ZNF385B: variants seen among roughly 807,000 people sequenced by gnomAD.
ZNF385B encodes zinc finger protein 385B.
Under a neutral mutation model 39.2 loss-of-function variants are expected in ZNF385B, and 23 were observed. The observed-to-expected ratio is 0.59, with a 90% CI of 0.42 to 0.83. ZNF385B has a LOEUF of 0.83. Ranked by LOEUF, ZNF385B falls within the 40% of genes least tolerant of loss-of-function variation. ZNF385B has a pLI of 0.00. For missense variants in ZNF385B, 552 were observed against 598.9 expected (o/e 0.92, Z 0.82); for synonymous variants, 205 against 222.6 (o/e 0.92, Z 0.70).
intron 4 of ZNF385B, among the ~76,000 whole-genome samples, chr2:179,542,359 G>A (rs2059972063): frequency 6.6e-6 from 1 of 152,118 alleles, no homozygotes; most frequent in Non-Finnish European, 1.5e-5. Context: ...ATGTAATACA[G>A]GGAGAGTAAA....
intron 3 of ZNF385B, among the ~76,000 whole-genome samples, chr2:179,546,600 T>A (rs568700419): frequency 6.6e-6 from 1 of 152,298 alleles, no homozygotes; most frequent in Admixed American, 6.5e-5. Flanking sequence ...TATATGTAAC[T>A]CATTTTCTTT....
intron 5 of ZNF385B, among the ~76,000 whole-genome samples, chr2:179,503,878 C>CT (rs534423777): frequency 0.16 from 19,011 of 120,168 alleles, 1,545 homozygotes; most frequent in South Asian, 0.22. Context: ...TTTTTTCATT[C>CT]TTTTTTTTTT....
intron 1 of ZNF385B, among the ~76,000 whole-genome samples, chr2:179,854,637 G>A (rs1011031761): frequency 8.5e-4 from 129 of 152,178 alleles, no homozygotes; most frequent in African/African-American, 2.9e-3. Context: ...TACACTATCC[G>A]TCAGATGGAC....
chr2:179,803,039 A>G (rs1049784178), intron 1 of ZNF385B, among the ~76,000 whole-genome samples: 1 of 152,164 alleles, frequency 6.6e-6, no homozygotes, highest in Non-Finnish European at 1.5e-5. Flanking sequence ...GACATATTCA[A>G]TCTTTAGAAT....
At chr2:179,540,958 A>G (rs1367368514) in intron 4 of ZNF385B, among the ~76,000 whole-genome samples, 6 of 152,220 alleles carry the variant, frequency 3.9e-5, no homozygotes, top group Non-Finnish European at 7.3e-5. Context: ...ATTAGTGGGT[A>G]GCCAGGCACA....
intron 3 of ZNF385B, chr2:179,576,269 T>TA: frequency 1.3e-6 from 1 of 788,956 alleles, no homozygotes; most frequent in Non-Finnish European, 1.5e-6. Context: ...TCAACGTATC[T>TA]AAAAATCAAA....
At chr2:179,794,409 C>CTTAATAA (rs150851440) in intron 1 of ZNF385B, among the ~76,000 whole-genome samples, 1 of 152,076 alleles carries the variant, frequency 6.6e-6, no homozygotes, top group Non-Finnish European at 1.5e-5. Context: ...TATTCTAAAA[C>CTTAATAA]TAGAAATTCT....
chr2:179,566,914 C>CTT (rs372093398), intron 3 of ZNF385B, among the ~76,000 whole-genome samples: 28 of 131,594 alleles, frequency 2.1e-4, no homozygotes, highest in East Asian at 4.3e-4. Context: ...CTTTTCTTTT[C>CTT]TTTTTTTTTT....
At chr2:179,577,885 CATA>C (rs1228180900) in intron 3 of ZNF385B, among the ~76,000 whole-genome samples, 1 of 151,930 alleles carries the variant, frequency 6.6e-6, no homozygotes, top group Non-Finnish European at 1.5e-5. Context: ...ATTTAACTCT[CATA>C]ATGTTTTTAA....
intron 5 of ZNF385B, among the ~76,000 whole-genome samples, chr2:179,486,390 C>A (rs1450156665): frequency 1.3e-5 from 2 of 152,148 alleles, no homozygotes; most frequent in Non-Finnish European, 1.5e-5. Flanking sequence ...TGCTTACAAG[C>A]ATATCCCTAT....
chr2:179,630,968 GA>G (rs1691147559), intron 3 of ZNF385B, among the ~76,000 whole-genome samples: 1 of 152,100 alleles, frequency 6.6e-6, no homozygotes, highest in Admixed American at 6.5e-5. Flanking sequence ...CAAGGTTAGA[GA>G]AAAAAGAGTA....
At chr2:179,669,579 T>C (rs1393019039) in intron 3 of ZNF385B, among the ~76,000 whole-genome samples, 1 of 152,174 alleles carries the variant, frequency 6.6e-6, no homozygotes, top group Non-Finnish European at 1.5e-5. Context: ...CTCTACATGA[T>C]AGTGGCTCCC....
At chr2:179,636,153 GAA>G (rs1261644646) in intron 3 of ZNF385B, among the ~76,000 whole-genome samples, 2 of 152,164 alleles carry the variant, frequency 1.3e-5, no homozygotes, top group East Asian at 3.8e-4. Context: ...TTTGGTGGTT[GAA>G]AATTTTCCAC....
chr2:179,578,458 T>C (rs965423886), intron 3 of ZNF385B, among the ~76,000 whole-genome samples: 1 of 152,086 alleles, frequency 6.6e-6, no homozygotes, highest in Non-Finnish European at 1.5e-5. Context: ...CAAATCAAGA[T>C]GGTTAGAGGA....
intron 5 of ZNF385B, among the ~76,000 whole-genome samples, chr2:179,486,897 C>A (rs972401853): frequency 1.3e-5 from 2 of 151,996 alleles, no homozygotes; most frequent in African/African-American, 4.8e-5. Flanking sequence ...GCCCGGGCAA[C>A]AGAATGAGAC....
chr2:179,696,560 T>A (rs904887858), intron 3 of ZNF385B, among the ~76,000 whole-genome samples: 5 of 152,026 alleles, frequency 3.3e-5, no homozygotes, highest in African/African-American at 1.2e-4. Flanking sequence ...AAGAAATAAT[T>A]TGTAGTCACT....
chr2:179,546,774 C>T (rs2060260941), intron 3 of ZNF385B, among the ~76,000 whole-genome samples: 1 of 150,066 alleles, frequency 6.7e-6, no homozygotes, highest in Non-Finnish European at 1.5e-5. Flanking sequence ...ATATGGTAGC[C>T]CAACTTTTAG....
intron 3 of ZNF385B, among the ~76,000 whole-genome samples, chr2:179,649,432 C>A (rs1693014119): frequency 6.6e-6 from 1 of 152,110 alleles, no homozygotes; most frequent in Non-Finnish European, 1.5e-5. Flanking sequence ...ATAAAAAATC[C>A]ATACCACAGC....
intron 3 of ZNF385B, among the ~76,000 whole-genome samples, chr2:179,600,883 G>GA (rs911169210): frequency 6.6e-6 from 1 of 151,986 alleles, no homozygotes; most frequent in Non-Finnish European, 1.5e-5. Context: ...ATTACATTTA[G>GA]AAAAAAACAT....
Sources: allele counts gnomAD v4.1 joint callset (sites outside exome capture counted in the v4.1 genomes callset), GRCh38; gene constraint gnomAD v4.1.1; transcripts MANE v1.5; gene names NCBI Gene and HGNC (gene_info 2026-07-23, HGNC 2026-07-21).